CCDC146: variants seen among roughly 807,000 people sequenced by gnomAD.
CCDC146 encodes coiled-coil domain-containing protein 146.
Under a neutral mutation model 119.3 loss-of-function variants are expected in CCDC146, and 92 were observed. That is an observed-to-expected ratio of 0.77 (90% CI 0.65 to 0.92). The LOEUF is 0.92. CCDC146 is among the 40% of genes least tolerant of loss of function. The probability of loss-of-function intolerance (pLI) is 0.00; values close to 1 mark genes in which losing one functional copy is unlikely to be tolerated. For synonymous variants in CCDC146, 372 were observed against 371.8 expected (o/e 1.00, Z -0.01); for missense variants, 1,000 against 1,103.0 (o/e 0.91, Z 1.32).
intron 9 of CCDC146, among the ~76,000 whole-genome samples, chr7:77,265,464 C>T (rs1208711509): frequency 6.6e-6 from 1 of 152,060 alleles, no homozygotes; most frequent in Non-Finnish European, 1.5e-5. Context: ...GTAAGGTAAC[C>T]TAAATAGAAG....
intron 3 of CCDC146, among the ~76,000 whole-genome samples, chr7:77,237,743 A>G (rs759763175): frequency 6.6e-6 from 1 of 152,194 alleles, no homozygotes; most frequent in African/African-American, 2.4e-5. Context: ...ACAGGCTATC[A>G]TAGAAGAGTC....
chr7:77,202,561 A>G (rs1792012516), intron 2 of CCDC146, among the ~76,000 whole-genome samples: 1 of 151,750 alleles, frequency 6.6e-6, no homozygotes, highest in Non-Finnish European at 1.5e-5. Context: ...AGGGTAGAGA[A>G]CTCCTCTGTT....
chr7:77,201,128 C>T (rs944883118), intron 2 of CCDC146, among the ~76,000 whole-genome samples: 5 of 152,086 alleles, frequency 3.3e-5, no homozygotes, highest in Non-Finnish European at 7.4e-5. Flanking sequence ...TGGCTTCCAA[C>T]CCTAGATCTA....
At chr7:77,183,060 C>T (rs1366768697) in intron 2 of CCDC146, among the ~76,000 whole-genome samples, 1 of 152,170 alleles carries the variant, frequency 6.6e-6, no homozygotes, top group Non-Finnish European at 1.5e-5. Flanking sequence ...GTGCTGAAAT[C>T]TCCTTCATGA....
At chr7:77,264,933 G>A (rs57952110) in intron 9 of CCDC146, among the ~76,000 whole-genome samples, 14,113 of 152,194 alleles carry the variant, frequency 0.093, 1,217 homozygotes, top group East Asian at 0.42. Flanking sequence ...TCAAATATAA[G>A]TTATTTGTAT....
intron 11 of CCDC146, among the ~76,000 whole-genome samples, chr7:77,275,168 C>T (rs1361683601): frequency 6.6e-6 from 1 of 151,410 alleles, no homozygotes; most frequent in Non-Finnish European, 1.5e-5. Context: ...AAATGCAGAT[C>T]AAAAGTAGAG....
chr7:77,240,306 G>A (rs968923285), intron 3 of CCDC146, among the ~76,000 whole-genome samples: 1 of 152,156 alleles, frequency 6.6e-6, no homozygotes, highest in Non-Finnish European at 1.5e-5. Context: ...TTGTCATCTG[G>A]TATTCCTCCG....
At chr7:77,153,426 CT>C (rs66503834) in intron 1 of CCDC146, among the ~76,000 whole-genome samples, 69,289 of 133,158 alleles carry the variant, frequency 0.52, 16,930 homozygotes, top group African/African-American at 0.54. Context: ...TGGGACTTTT[CT>C]TTTTTTTTTT....
chr7:77,141,831 T>TA (rs1790937500), intron 1 of CCDC146, among the ~76,000 whole-genome samples: 1 of 152,216 alleles, frequency 6.6e-6, no homozygotes, highest in South Asian at 2.1e-4. Flanking sequence ...GTCAGATAGA[T>TA]AGATTGCGGA....
intron 17 of CCDC146, among the ~76,000 whole-genome samples, chr7:77,288,097 C>T (rs931166171): frequency 3.3e-5 from 5 of 152,120 alleles, no homozygotes; most frequent in African/African-American, 4.8e-5. Context: ...ATTTAATAAG[C>T]GTAAGAGACC....
At chr7:77,222,853 T>A (rs750423113) in intron 2 of CCDC146, among the ~76,000 whole-genome samples, 7 of 152,202 alleles carry the variant, frequency 4.6e-5, no homozygotes, top group Non-Finnish European at 8.8e-5. Flanking sequence ...GATTAAACAC[T>A]GATTAGTCCG....
chr7:77,199,894 T>C, intron 2 of CCDC146: 1 of 1,390,736 alleles, frequency 7.2e-7, no homozygotes, highest in Non-Finnish European at 9.7e-7. Flanking sequence ...CAGGAAAGGG[T>C]GGGAGCGTTT....
At chr7:77,207,775 A>G (rs1213413945) in intron 2 of CCDC146, among the ~76,000 whole-genome samples, 2 of 152,174 alleles carry the variant, frequency 1.3e-5, no homozygotes, top group Admixed American at 1.3e-4. Context: ...GAGATCTGTA[A>G]GGTCCTTTTC....
intron 2 of CCDC146, among the ~76,000 whole-genome samples, chr7:77,228,407 G>T (rs1350715872): frequency 1.8e-4 from 27 of 152,160 alleles, no homozygotes; most frequent in Admixed American, 1.8e-3. Context: ...AGAACATGTG[G>T]TATTTGGTTC....
In CCDC146 at chr7:77,184,776, A is replaced by G. The variant is rs142763374; in HGVS notation, c.156+16952A>G. ...TGCAGGAAGAAAATAATTTTTAACC[A>G]CTAGGTTAAATAGGGACATTAACAC... On this transcript the variant is annotated intron_variant, in intron 2 of 18. Coordinates refer to ENST00000285871, the MANE Select transcript of CCDC146 (RefSeq NM_020879.3). Among the ~76,000 whole-genome samples, 1,361 of 152,338 alleles carry G rather than the reference A, an allele frequency of 8.9e-3. 18 individuals are homozygous for G. Among genetic ancestry groups the G allele is most frequent in the African/African-American group, 0.03 (1,266 of 41,578 alleles).
At chr7:77,261,651 G>A (rs1793301358) in intron 8 of CCDC146, among the ~76,000 whole-genome samples, 1 of 151,304 alleles carries the variant, frequency 6.6e-6, no homozygotes, top group Non-Finnish European at 1.5e-5. Flanking sequence ...CTAATTTTTT[G>A]TATTTTTAGT....
At chr7:77,146,774 G>A (rs1199991842) in intron 1 of CCDC146, among the ~76,000 whole-genome samples, 1 of 152,204 alleles carries the variant, frequency 6.6e-6, no homozygotes, top group East Asian at 1.9e-4. Flanking sequence ...TCTGCCAAGA[G>A]ATCCACTGTT....
intron 4 of CCDC146, among the ~76,000 whole-genome samples, chr7:77,249,517 AGGTCTTCTCAGAG>A (rs982790486): frequency 6.7e-6 from 1 of 148,348 alleles, no homozygotes; most frequent in Admixed American, 6.7e-5. Context: ...AGAATTCATT[AGGTCTTCTCAGAG>A]GATTGACTCT....
At chr7:77,248,623 T>C (rs904702992) in intron 4 of CCDC146, among the ~76,000 whole-genome samples, 1 of 152,238 alleles carries the variant, frequency 6.6e-6, no homozygotes, top group Non-Finnish European at 1.5e-5. Context: ...TGGCACTTAA[T>C]AGTTAGTCAT....
Sources: gnomAD v4.1 joint callset for allele counts (sites outside exome capture counted in the v4.1 genomes callset) on GRCh38, gnomAD v4.1.1 for gene constraint, MANE v1.5 for transcripts, NCBI Gene and HGNC (gene_info 2026-07-23, HGNC 2026-07-21) for gene names.